The following MAF variants were observed in gnomAD, a reference collection of about 807,000 sequenced individuals.
MAF encodes the protein MAF bZIP transcription factor.
A neutral mutation model predicts 22.0 loss-of-function variants in MAF; 10 were observed. The observed-to-expected ratio is 0.45, with a 90% CI of 0.28 to 0.77. The LOEUF (loss-of-function observed/expected upper bound fraction) is 0.77, where lower values mean the gene tolerates loss of function less well. MAF is among the 30% of genes least tolerant of loss of function. The pLI, the probability that MAF is intolerant of heterozygous loss-of-function variation, is 0.12. For missense variants in MAF, 544 were observed against 548.4 expected (o/e 0.99, Z 0.08); for synonymous variants, 337 against 255.8 (o/e 1.32, Z -3.03).
At chr16:79,220,368 T>A in the MAF span, among the ~76,000 whole-genome samples, 343 of 151,786 alleles carry the variant, frequency 2.3e-3, 2 homozygotes, top group African/African-American at 8.0e-3. Flanking sequence ...AAGAACCAAC[T>A]AGTGTAAATA....
At chr16:79,326,301 T>C in the MAF span, among the ~76,000 whole-genome samples, 1 of 152,214 alleles carries the variant, frequency 6.6e-6, no homozygotes, top group African/African-American at 2.4e-5. Context: ...GTACTTATCA[T>C]GATACCTAGC....
At chr16:79,414,074 G>A in the MAF span, among the ~76,000 whole-genome samples, 1 of 152,110 alleles carries the variant, frequency 6.6e-6, no homozygotes, top group Non-Finnish European at 1.5e-5. Flanking sequence ...TACTGCCTTT[G>A]CCAGCTTGGT....
the MAF span, among the ~76,000 whole-genome samples, chr16:79,570,152 C>T: frequency 1.3e-5 from 2 of 151,796 alleles, no homozygotes; most frequent in Admixed American, 1.3e-4. Flanking sequence ...GCTTTTCATG[C>T]TGTTGGACAT....
intron 1 of MAF, chr16:79,594,902 A>T (rs1913422024): frequency 1.2e-5 from 14 of 1,188,232 alleles, no homozygotes; most frequent in African/African-American, 1.5e-5. Flanking sequence ...ATTATATTCA[A>T]CTACCTTGTA....
At chr16:79,386,257 T>C in the MAF span, among the ~76,000 whole-genome samples, 18 of 152,308 alleles carry the variant, frequency 1.2e-4, no homozygotes, top group African/African-American at 4.3e-4. Context: ...CAACTCACCA[T>C]AATGTAGACT....
chr16:79,558,131 G>A, the MAF span, among the ~76,000 whole-genome samples: 1 of 150,814 alleles, frequency 6.6e-6, no homozygotes, highest in Non-Finnish European at 1.5e-5. Flanking sequence ...CTCACAATTG[G>A]AGAGAGTGGG....
the MAF span, among the ~76,000 whole-genome samples, chr16:79,512,698 A>G: frequency 6.6e-6 from 1 of 152,228 alleles, no homozygotes; most frequent in Non-Finnish European, 1.5e-5. Flanking sequence ...TGTGAAGAAA[A>G]TAATGGTAAA....
At chr16:79,481,232 C>CA in the MAF span, among the ~76,000 whole-genome samples, 5 of 86,044 alleles carry the variant, frequency 5.8e-5, no homozygotes, top group Non-Finnish European at 8.1e-5. Flanking sequence ...CTTTCCACAA[C>CA]AGTTTTTTTT....
At chr16:79,373,663 C>A in the MAF span, among the ~76,000 whole-genome samples, 1 of 151,956 alleles carries the variant, frequency 6.6e-6, no homozygotes, top group South Asian at 2.1e-4. Flanking sequence ...CAGGTGTGAG[C>A]CACCGCATCC....
chr16:79,275,124 G>A, the MAF span, among the ~76,000 whole-genome samples: 1 of 152,230 alleles, frequency 6.6e-6, no homozygotes, highest in African/African-American at 2.4e-5. Context: ...GGGAGGCTGA[G>A]GCAGGTGGAT....
At chr16:79,316,513 G>A in the MAF span, among the ~76,000 whole-genome samples, 1 of 152,064 alleles carries the variant, frequency 6.6e-6, no homozygotes. Context: ...TGCTAAATGG[G>A]ATAAATGTTA....
At chr16:79,218,891 C>A in the MAF span, among the ~76,000 whole-genome samples, 1 of 152,154 alleles carries the variant, frequency 6.6e-6, no homozygotes, top group Admixed American at 6.5e-5. Flanking sequence ...CAGATTCCAT[C>A]TGAATGCAGT....
At chr16:79,449,395 T>C in the MAF span, among the ~76,000 whole-genome samples, 1 of 152,202 alleles carries the variant, frequency 6.6e-6, no homozygotes, top group African/African-American at 2.4e-5. Flanking sequence ...ACTCACTTAA[T>C]TACTGTATTT....
chr16:79,248,938 A>T, the MAF span, among the ~76,000 whole-genome samples: 1 of 152,222 alleles, frequency 6.6e-6, no homozygotes, highest in Non-Finnish European at 1.5e-5. Context: ...TTGGGTAAGA[A>T]CATTTAAAAA....
chr16:79,234,425 T>G, the MAF span, among the ~76,000 whole-genome samples: 1 of 152,180 alleles, frequency 6.6e-6, no homozygotes, highest in Non-Finnish European at 1.5e-5. Context: ...GAGTGTTCAT[T>G]GTCAATTTAG....
downstream of MAF, among the ~76,000 whole-genome samples, chr16:79,591,534 G>C (rs1913190181): frequency 6.6e-6 from 1 of 152,228 alleles, no homozygotes; most frequent in African/African-American, 2.4e-5. Flanking sequence ...TTGAACAAGA[G>C]AAGAGGTGCT....
chr16:79,422,794 G>C, the MAF span, among the ~76,000 whole-genome samples: 7 of 152,102 alleles, frequency 4.6e-5, no homozygotes, highest in South Asian at 1.5e-3. Flanking sequence ...TGCAGTTTTT[G>C]CTATTAAAAA....
the MAF span, among the ~76,000 whole-genome samples, chr16:79,286,693 A>T: frequency 6.6e-6 from 1 of 152,218 alleles, no homozygotes; most frequent in Non-Finnish European, 1.5e-5. Flanking sequence ...CTACCCACAG[A>T]CATTCCCACG....
At chr16:79,237,473 G>C in the MAF span, among the ~76,000 whole-genome samples, 3 of 152,040 alleles carry the variant, frequency 2.0e-5, no homozygotes, top group Admixed American at 6.6e-5. Flanking sequence ...ACTGGAAATG[G>C]TTGGTTGGAG....
Sources: allele counts gnomAD v4.1 joint callset (sites outside exome capture counted in the v4.1 genomes callset), GRCh38; gene constraint gnomAD v4.1.1; transcripts MANE v1.5; gene names NCBI Gene and HGNC (gene_info 2026-07-23, HGNC 2026-07-21).